The following BET1 variants were observed in gnomAD, a reference collection of about 807,000 sequenced individuals.
The protein encoded by BET1 is BET1 homolog.
A neutral mutation model predicts 13.9 loss-of-function variants in BET1; 9 were observed. The observed-to-expected ratio is 0.65, with a 90% CI of 0.39 to 1.13. The LOEUF (loss-of-function observed/expected upper bound fraction) is 1.13, where lower values mean the gene tolerates loss of function less well. Ranked by LOEUF, BET1 falls within the 50% of genes most tolerant of loss-of-function variation. The pLI is 0.01. For synonymous variants in BET1, 39 were observed against 47.3 expected, an observed-to-expected ratio of 0.82 and a Z score of 0.72; for missense variants, 127 against 133.6, an observed-to-expected ratio of 0.95 and a Z score of 0.24.
At chr7:94,003,993 A>C (rs2116158289) in intron 1 of BET1, among the ~76,000 whole-genome samples, 1 of 152,196 alleles carries the variant, frequency 6.6e-6, no homozygotes, top group East Asian at 1.9e-4. Context: ...TACCATCCAA[A>C]CTTGAATCTG....
chr7:93,989,978 G>A (rs1795600189), downstream of BET1, among the ~76,000 whole-genome samples: 1 of 152,024 alleles, frequency 6.6e-6, no homozygotes, highest in Non-Finnish European at 1.5e-5. Flanking sequence ...TAATCATGTG[G>A]TATGGATATC....
chr7:93,994,413 T>A, intron 3 of BET1, 28 bp from the exon 4 acceptor site: 1 of 1,599,180 alleles, frequency 6.3e-7, no homozygotes, highest in Non-Finnish European at 8.5e-7. Flanking sequence ...AAATAAAATA[T>A]CACAGTTAGA....
At chr7:93,987,006 A>G (rs1795538755) in intron 4 of BET1, 1 of 152,120 alleles carries the variant, frequency 6.6e-6, no homozygotes, top group Admixed American at 6.6e-5. Flanking sequence ...AGGTTTGTGT[A>G]CGCACACTCT....
chr7:93,994,749 G>A (rs1419169878), intron 3 of BET1, among the ~76,000 whole-genome samples: 3 of 152,110 alleles, frequency 2.0e-5, no homozygotes, highest in African/African-American at 7.2e-5. Flanking sequence ...ACTTTTTGTT[G>A]TGCCATTGCT....
At chr7:93,966,680 T>A (rs1795179316) in intron 6 of BET1, among the ~76,000 whole-genome samples, 2 of 151,762 alleles carry the variant, frequency 1.3e-5, no homozygotes, top group Admixed American at 1.3e-4. Flanking sequence ...ATGTCATAAT[T>A]AGTTTGTGCA....
exon 5 of BET1, chr7:93,976,095 G>A (rs1008245040): frequency 4.1e-6 from 5 of 1,230,062 alleles, no homozygotes; most frequent in Non-Finnish European, 5.3e-6. Context: ...GAACCTGAAG[G>A]ATCCACTGTA....
Position 93,999,153 on chromosome 7 carries a change from A to G in BET1, c.144+17T>C, listed in dbSNP as rs755210198. 3 of 1,561,486 alleles carry G rather than the reference A, an allele frequency of 1.9e-6. No individual in the cohort carries two copies. Among genetic ancestry groups the G allele is most frequent in the Non-Finnish European group, 1.8e-6 (2 of 1,142,534 alleles). On this transcript the variant is annotated intron_variant, in intron 2 of 3. Transcript: ENST00000222547. ...ATATATGAATTAAAACACATATAAT[A>G]TTTGTTATATACTTACAGATTTTAT...
At chr7:93,994,438 A>G (rs750197326) in intron 3 of BET1, 53 bp from the exon 4 acceptor site, 7 of 1,518,192 alleles carry the variant, frequency 4.6e-6, no homozygotes, top group Non-Finnish European at 6.3e-6. Flanking sequence ...AAGAGTCTAC[A>G]TATGCATATC....
chr7:93,974,022 A>G (rs1260838245), intron 5 of BET1, among the ~76,000 whole-genome samples: 1 of 152,040 alleles, frequency 6.6e-6, no homozygotes, highest in African/African-American at 2.4e-5. Flanking sequence ...TTCATATTTC[A>G]GAAGCTATTT....
At chr7:93,992,933 C>T (rs963435356), downstream of BET1, 21 of 985,316 alleles carry the variant, frequency 2.1e-5, no homozygotes, top group East Asian at 1.6e-3. Flanking sequence ...CACTCAGTTC[C>T]GGTGGTTTTA....
chr7:93,999,782 G>A, intron 1 of BET1: 1 of 439,976 alleles, frequency 2.3e-6, no homozygotes, highest in Non-Finnish European at 4.5e-6. Flanking sequence ...GGACAGGAAA[G>A]AGCCAAAGCA....
Position 93,994,306 on chromosome 7 carries a change from G to A in BET1, c.281C>T (p.Thr94Ile). ...CAGCATCATATAGCACAGCAGCTTT[G>A]TTTGGCTCCCTCTGGATAAAATCTT... is the stretch of plus-strand genomic sequence containing the variant. Reference protein sequence around the residue: ...KLKILSRGSQTKLLCYMMLFS... With the variant: ...KLKILSRGSQIKLLCYMMLFS... The change falls in exon 4 of 4, where the codon ACA becomes ATA. Residue 94 changes from threonine to isoleucine, a missense_variant. By Grantham distance (89) the Thr-to-Ile change is moderately conservative. Transcript: ENST00000222547. 6.2e-7 allele frequency: 1 copy of A among 1,613,784 alleles called. No homozygotes were observed. The highest frequency in any genetic ancestry group is 8.5e-7 in the Non-Finnish European group (1 of 1,179,860).
exon 7 of BET1, chr7:93,963,588 T>C (rs1411147771): frequency 6.6e-6 from 1 of 152,100 alleles, no homozygotes; most frequent in African/African-American, 2.4e-5. Context: ...AGCCAGTTAA[T>C]AAATATTTGT....
At chr7:93,988,126 G>C (rs1375566152) in intron 4 of BET1, among the ~76,000 whole-genome samples, 3 of 152,158 alleles carry the variant, frequency 2.0e-5, no homozygotes, top group Non-Finnish European at 2.9e-5. Context: ...TAGCAGAAAA[G>C]ATGAAAACCA....
chr7:93,980,030 C>T (rs1795399503), intron 4 of BET1, among the ~76,000 whole-genome samples: 1 of 152,024 alleles, frequency 6.6e-6, no homozygotes, highest in Admixed American at 6.6e-5. Context: ...TTCCTACCTA[C>T]AAGAAATAGA....
chr7:93,980,602 G>A (rs1795409879), intron 4 of BET1, among the ~76,000 whole-genome samples: 1 of 152,066 alleles, frequency 6.6e-6, no homozygotes, highest in African/African-American at 2.4e-5. Context: ...ACTAGCAGTA[G>A]AAATAAATTG....
intron 4 of BET1, among the ~76,000 whole-genome samples, chr7:93,978,477 C>A (rs1489087062): frequency 6.6e-6 from 1 of 152,150 alleles, no homozygotes; most frequent in Non-Finnish European, 1.5e-5. Context: ...ATATTGCCCA[C>A]GTTTCATTTC....
At position 93,999,204 on chromosome 7, in the gene BET1, T is replaced by G. The variant is rs775325211; in HGVS notation, c.110A>C (p.Glu37Ala). 1 of 1,613,306 alleles carries G rather than the reference T, an allele frequency of 6.2e-7. No homozygotes were observed. Residue 37 changes from glutamate to alanine, a missense_variant, in exon 2 of 4, where the codon GAA (glutamate) becomes GCA (alanine). Coordinates refer to ENST00000222547, the MANE Select transcript of BET1 (RefSeq NM_005868.6). ...AGCAGTTACTTTGCTTCTCAGACTTTCAGTGAGCCTCTCATTTTCTTCTTC... is the reference window on the plus strand; with the variant it reads ...AGCAGTTACTTTGCTTCTCAGACTTGCAGTGAGCCTCTCATTTTCTTCTTC... ...ACEEENERLT[E>A]SLRSKVTAIK...
At chr7:94,003,382 A>G (rs1795956167) in intron 1 of BET1, among the ~76,000 whole-genome samples, 1 of 151,776 alleles carries the variant, frequency 6.6e-6, no homozygotes, top group Non-Finnish European at 1.5e-5. Context: ...ATAATGACTG[A>G]GAAAGGTAAT....
Sources: gnomAD v4.1 joint callset for allele counts (sites outside exome capture counted in the v4.1 genomes callset) on GRCh38, gnomAD v4.1.1 for gene constraint, MANE v1.5 for transcripts, NCBI Gene and HGNC (gene_info 2026-07-23, HGNC 2026-07-21) for gene names.